The following TMEM117 variants were observed in gnomAD, a reference collection of about 807,000 sequenced individuals.
TMEM117 encodes the protein transmembrane protein 117.
TMEM117 carries 27 observed loss-of-function variants against 52.4 expected under a neutral mutation model. The ratio of observed to expected loss-of-function variants is 0.51; its 90% CI spans 0.38 to 0.71. The LOEUF (loss-of-function observed/expected upper bound fraction) is 0.71, where lower values mean the gene tolerates loss of function less well. Ranked by LOEUF, TMEM117 falls within the 30% of genes least tolerant of loss-of-function variation. The pLI, the probability that TMEM117 is intolerant of heterozygous loss-of-function variation, is 0.00. For synonymous variants in TMEM117, 215 were observed against 206.3 expected, an observed-to-expected ratio of 1.04 and a Z score of -0.36; for missense variants, 556 against 630.5, an observed-to-expected ratio of 0.88 and a Z score of 1.26.
intron 1 of TMEM117, among the ~76,000 whole-genome samples, chr12:43,840,483 A>T (rs1007504214): frequency 7.2e-5 from 11 of 152,208 alleles, no homozygotes; most frequent in African/African-American, 2.4e-4. Flanking sequence ...TCATCAATGC[A>T]GTCCTTGGAC....
intron 3 of TMEM117, among the ~76,000 whole-genome samples, chr12:44,080,238 C>T (rs1438371459): frequency 6.6e-6 from 1 of 152,076 alleles, no homozygotes. Flanking sequence ...CACAGTTCAG[C>T]ATGGCTGAGG....
In TMEM117 at chr12:44,265,167, T is replaced by A. The variant is rs189123995; in HGVS notation, c.609-34413T>A. Among the ~76,000 whole-genome samples the A allele has an allele frequency of 2.5e-3, 375 of 152,190 alleles. 2 individuals are homozygous for A. Among genetic ancestry groups the A allele is most frequent in the African/African-American group, 8.6e-3 (357 of 41,530 alleles). On this transcript the variant is annotated intron_variant, in intron 5 of 7. Transcript: ENST00000266534. ...TCTGAGGTTTAAGCGGAACACTATA[T>A]AACGAGAAGCCAGTAAAGGAAAGAG...
At chr12:43,949,718 G>C (rs1945189993) in intron 3 of TMEM117, among the ~76,000 whole-genome samples, 1 of 152,118 alleles carries the variant, frequency 6.6e-6, no homozygotes, top group South Asian at 2.1e-4. Context: ...CATTCCTGAG[G>C]AGGGCCCTCT....
chr12:43,865,291 CCTT>C (rs1390570311), intron 2 of TMEM117, among the ~76,000 whole-genome samples: 2 of 152,052 alleles, frequency 1.3e-5, no homozygotes, highest in African/African-American at 4.8e-5. Flanking sequence ...TTGGTAAAGT[CCTT>C]CTAACTTTAC....
intron 4 of TMEM117, among the ~76,000 whole-genome samples, chr12:44,175,836 G>T (rs1949109392): frequency 1.3e-5 from 2 of 152,146 alleles, no homozygotes; most frequent in African/African-American, 4.8e-5. Flanking sequence ...GGAAAGTCAG[G>T]TATACAAAAT....
chr12:43,853,456 A>T (rs540331229), intron 2 of TMEM117, among the ~76,000 whole-genome samples: 13 of 152,180 alleles, frequency 8.5e-5, no homozygotes, highest in Admixed American at 8.5e-4. Context: ...TTGTATTTAT[A>T]GTAGAGACAG....
At chr12:44,228,331 A>G (rs1248232284) in intron 5 of TMEM117, among the ~76,000 whole-genome samples, 1 of 152,128 alleles carries the variant, frequency 6.6e-6, no homozygotes, top group Non-Finnish European at 1.5e-5. Context: ...TTGGAAAGAA[A>G]ACTTTGCTGA....
At chr12:43,839,931 T>C (rs1943091080) in intron 1 of TMEM117, among the ~76,000 whole-genome samples, 1 of 152,238 alleles carries the variant, frequency 6.6e-6, no homozygotes, top group Non-Finnish European at 1.5e-5. Context: ...TTTTGGATAA[T>C]CTTTGTTGGA....
intron 3 of TMEM117, among the ~76,000 whole-genome samples, chr12:44,006,011 C>G (rs12321149): frequency 0.036 from 5,477 of 152,126 alleles, 209 homozygotes; most frequent in African/African-American, 0.093. Flanking sequence ...TATAAATTAC[C>G]CAGTCTCGAG....
At chr12:43,936,968 A>T (rs1944961628) in intron 2 of TMEM117, among the ~76,000 whole-genome samples, 1 of 152,190 alleles carries the variant, frequency 6.6e-6, no homozygotes, top group South Asian at 2.1e-4. Context: ...GAGAAAAAAG[A>T]ATGAGGAGAG....
intron 6 of TMEM117, among the ~76,000 whole-genome samples, chr12:44,340,201 C>T (rs1167721232): frequency 6.6e-6 from 1 of 151,970 alleles, no homozygotes; most frequent in Admixed American, 6.6e-5. Context: ...GGATCACAAC[C>T]TGACTCCTTA....
chr12:43,895,334 T>C (rs1158474640), intron 2 of TMEM117, among the ~76,000 whole-genome samples: 1 of 152,218 alleles, frequency 6.6e-6, no homozygotes, highest in African/African-American at 2.4e-5. Flanking sequence ...GATCTTGTTC[T>C]TTTTTATGGC....
chr12:44,295,236 C>G (rs1380504118), intron 5 of TMEM117, among the ~76,000 whole-genome samples: 9 of 152,098 alleles, frequency 5.9e-5, no homozygotes, highest in Admixed American at 2.0e-4. Flanking sequence ...CAGGGTCTTG[C>G]TCTGTCACCC....
chr12:43,945,749 A>T (rs1801719228), intron 3 of TMEM117, among the ~76,000 whole-genome samples: 1 of 152,166 alleles, frequency 6.6e-6, no homozygotes, highest in South Asian at 2.1e-4. Context: ...AAAGATTTTG[A>T]TCTATTTTCC....
At chr12:44,042,486 G>A (rs979761714) in intron 3 of TMEM117, among the ~76,000 whole-genome samples, 2 of 152,016 alleles carry the variant, frequency 1.3e-5, no homozygotes, top group Admixed American at 6.6e-5. Flanking sequence ...ATTAACATTT[G>A]AGTCAGTGGG....
chr12:43,980,960 T>G (rs1348848655), intron 3 of TMEM117, among the ~76,000 whole-genome samples: 1 of 152,192 alleles, frequency 6.6e-6, no homozygotes, highest in Admixed American at 6.5e-5. Context: ...AAGGTTGGTT[T>G]CTGGAGACAG....
chr12:44,243,138 A>T (rs754227923), intron 5 of TMEM117, among the ~76,000 whole-genome samples: 1 of 151,890 alleles, frequency 6.6e-6, no homozygotes, highest in Non-Finnish European at 1.5e-5. Context: ...TAAGTTCCTT[A>T]TAGATGCTAG....
chr12:44,235,555 TCTGC>T (rs1949985836), intron 5 of TMEM117, among the ~76,000 whole-genome samples: 3 of 151,808 alleles, frequency 2.0e-5, no homozygotes, highest in Non-Finnish European at 4.4e-5. Flanking sequence ...AGTTATAAAC[TCTGC>T]TTTAATATAA....
At chr12:43,998,471 A>T (rs912632073) in intron 3 of TMEM117, among the ~76,000 whole-genome samples, 6 of 152,200 alleles carry the variant, frequency 3.9e-5, no homozygotes, top group African/African-American at 1.4e-4. Flanking sequence ...TAGACCATTG[A>T]TATTAAAGTG....
Sources: gnomAD v4.1 joint callset for allele counts (sites outside exome capture counted in the v4.1 genomes callset) on GRCh38, gnomAD v4.1.1 for gene constraint, MANE v1.5 for transcripts, NCBI Gene and HGNC (gene_info 2026-07-23, HGNC 2026-07-21) for gene names.